DOCK4: variants seen among roughly 807,000 people sequenced by gnomAD.
DOCK4 encodes dedicator of cytokinesis protein 4.
DOCK4 carries 97 observed loss-of-function variants against 268.1 expected under a neutral mutation model. That is an observed-to-expected ratio of 0.36 (90% CI 0.31 to 0.43). The LOEUF (loss-of-function observed/expected upper bound fraction) is 0.43. Among genes scored for constraint, DOCK4 ranks in the 20% least tolerant of loss-of-function variants. The pLI is 1.00. For synonymous variants in DOCK4, 954 were observed against 887.2 expected (o/e 1.08, Z -1.34); for missense variants, 2,145 against 2,455.7 (o/e 0.87, Z 2.67).
chr7:111,810,281 G>A (rs1249956848), intron 28 of DOCK4, among the ~76,000 whole-genome samples: 1 of 151,850 alleles, frequency 6.6e-6, no homozygotes, highest in Non-Finnish European at 1.5e-5. Context: ...GTGAAACCCC[G>A]TCTATCCTAA....
intron 22 of DOCK4, among the ~76,000 whole-genome samples, chr7:111,866,317 T>G (rs1563613583): frequency 1.3e-5 from 2 of 152,254 alleles, no homozygotes; most frequent in African/African-American, 2.4e-5. Flanking sequence ...TATCATTTTA[T>G]ATGGATTTTT....
intron 12 of DOCK4, among the ~76,000 whole-genome samples, chr7:111,924,311 G>A (rs933317881): frequency 3.3e-5 from 5 of 152,054 alleles, no homozygotes; most frequent in African/African-American, 9.7e-5. Flanking sequence ...TGGAAGCGAC[G>A]ATATGGAGTG....
intron 1 of DOCK4, among the ~76,000 whole-genome samples, chr7:112,120,957 T>C (rs886176701): frequency 6.6e-6 from 1 of 152,186 alleles, no homozygotes; most frequent in Non-Finnish European, 1.5e-5. Flanking sequence ...TTTAAATTTT[T>C]CATTCTTTGA....
At chr7:112,069,916 A>C (rs561424258) in intron 1 of DOCK4, among the ~76,000 whole-genome samples, 1 of 152,350 alleles carries the variant, frequency 6.6e-6, no homozygotes, top group Admixed American at 6.5e-5. Flanking sequence ...ACGTGCAGCC[A>C]TGGGAAGAGA....
At chr7:111,731,737 C>T (rs1795097307) in intron 52 of DOCK4, among the ~76,000 whole-genome samples, 1 of 152,024 alleles carries the variant, frequency 6.6e-6, no homozygotes, top group Non-Finnish European at 1.5e-5. Flanking sequence ...AAATGAGAAA[C>T]TTGGTATAAA....
At chr7:111,805,164 A>G (rs1313957100) in intron 30 of DOCK4, among the ~76,000 whole-genome samples, 2 of 152,126 alleles carry the variant, frequency 1.3e-5, no homozygotes, top group African/African-American at 2.4e-5. Flanking sequence ...TTTTATTTCT[A>G]TGTTCCCAAC....
chr7:111,989,258 C>T, intron 5 of DOCK4, 95 bp from the exon 6 acceptor site: 2 of 1,519,490 alleles, frequency 1.3e-6, no homozygotes, highest in Non-Finnish European at 1.8e-6. Flanking sequence ...ATTCTGGTTA[C>T]CCACTATGTG....
chr7:112,202,579 A>G (rs985970303), intron 1 of DOCK4, among the ~76,000 whole-genome samples: 2 of 152,120 alleles, frequency 1.3e-5, no homozygotes, highest in African/African-American at 4.8e-5. Context: ...TACACCATAA[A>G]TATATACAGC....
At chr7:112,088,528 G>A (rs561847890) in intron 1 of DOCK4, among the ~76,000 whole-genome samples, 3 of 152,116 alleles carry the variant, frequency 2.0e-5, no homozygotes, top group Admixed American at 2.0e-4. Context: ...TTCATATTCA[G>A]TAGTGATAAA....
intron 7 of DOCK4, among the ~76,000 whole-genome samples, chr7:111,983,863 C>CACACACACACACACAG (rs1798830726): frequency 2.7e-5 from 2 of 75,378 alleles, no homozygotes; most frequent in African/African-American, 1.1e-4. Context: ...CGCGCGCGCG[C>CACACACACACACACAG]ACACACACAC....
In DOCK4 at chr7:112,082,052, C is replaced by T. The variant is rs565779737; in HGVS notation, c.38-77921G>A. Among the ~76,000 whole-genome samples, 532 of 109,148 alleles carry T rather than the reference C, an allele frequency of 4.9e-3. 4 individuals are homozygous for T. Among genetic ancestry groups the T allele is most frequent in the African/African-American group, 0.028 (480 of 17,204 alleles). The allele number at this position is 109,148 out of a possible 152,430, so 71.6% of individuals were successfully genotyped here. A position where few individuals can be genotyped will look rare whatever the true frequency, so the allele number is the denominator to read the frequency against. On this transcript the variant is annotated intron_variant, in intron 1 of 52. Coordinates refer to ENST00000428084, the MANE Select transcript of DOCK4 (RefSeq NM_001363540.2). ...CATCAGAGTACCTACGCTGGAGAGGCGTGGGGAATTACATGACATTATACA... is the reference window on the plus strand; with the variant it reads ...CATCAGAGTACCTACGCTGGAGAGGTGTGGGGAATTACATGACATTATACA...
intron 1 of DOCK4, among the ~76,000 whole-genome samples, chr7:112,030,718 TAGA>T (rs1213201332): frequency 7.9e-5 from 12 of 152,306 alleles, no homozygotes; most frequent in South Asian, 2.1e-4. Context: ...CAAAGCTTGC[TAGA>T]AGAAGTCTTC....
In DOCK4 at chr7:111,991,363, T is replaced by C. The variant is rs116666708; in HGVS notation, c.316-2200A>G. The stretch of plus-strand genomic sequence containing the variant: ...TGAACATCTGGTCATAAAATCATGA[T>C]TCTTTAAACACTGGATAGTTATGAA... On this transcript the variant is annotated intron_variant, in intron 5 of 52. Transcript: ENST00000428084. Among the ~76,000 whole-genome samples, 1,292 of 152,286 alleles carry C rather than the reference T, an allele frequency of 8.5e-3. 10 individuals carry two copies. The highest frequency in any genetic ancestry group is 0.024 in the Middle Eastern group (7 of 294).
At chr7:111,894,051 G>C (rs915421893) in intron 16 of DOCK4, among the ~76,000 whole-genome samples, 24 of 151,980 alleles carry the variant, frequency 1.6e-4, no homozygotes, top group African/African-American at 5.8e-4. Flanking sequence ...GTGAAACCCC[G>C]TCTCTACTAA....
At chr7:111,759,563 A>T (rs1214999335) in intron 40 of DOCK4, among the ~76,000 whole-genome samples, 1 of 152,164 alleles carries the variant, frequency 6.6e-6, no homozygotes, top group Non-Finnish European at 1.5e-5. Context: ...TAAGACCATC[A>T]GTTTCAGGAA....
At chr7:111,983,844 A>G (rs973628456) in intron 7 of DOCK4, among the ~76,000 whole-genome samples, 62 of 138,992 alleles carry the variant, frequency 4.5e-4, no homozygotes, top group Admixed American at 2.2e-3. Context: ...GTACACACAC[A>G]CGCGCGCGCG....
At chr7:112,164,559 T>TAC (rs1350683266) in intron 1 of DOCK4, among the ~76,000 whole-genome samples, 2 of 152,072 alleles carry the variant, frequency 1.3e-5, no homozygotes, top group Admixed American at 6.5e-5. Context: ...ATATACTCTA[T>TAC]ACACACACAC....
intron 5 of DOCK4, among the ~76,000 whole-genome samples, chr7:111,992,524 A>T (rs1312148318): frequency 6.6e-6 from 1 of 152,194 alleles, no homozygotes; most frequent in Non-Finnish European, 1.5e-5. Context: ...ACATTTAGAT[A>T]ATTTTCTCTT....
chr7:111,823,059 A>G (rs1174531355), intron 26 of DOCK4, among the ~76,000 whole-genome samples: 1 of 152,152 alleles, frequency 6.6e-6, no homozygotes, highest in Non-Finnish European at 1.5e-5. Flanking sequence ...CCCAGTGAGG[A>G]GTGCTTAGTA....
Sources: gnomAD v4.1 joint callset for allele counts (sites outside exome capture counted in the v4.1 genomes callset) on GRCh38, gnomAD v4.1.1 for gene constraint, MANE v1.5 for transcripts, NCBI Gene and HGNC (gene_info 2026-07-23, HGNC 2026-07-21) for gene names.